Variants in ZKSCAN1 observed in about 807,000 individuals in gnomAD.
ZKSCAN1 encodes the protein zinc finger with KRAB and SCAN domains 1, also known as zinc finger protein with KRAB and SCAN domains 1.
Under a neutral mutation model 51.6 loss-of-function variants are expected in ZKSCAN1, and 14 were observed. The ratio of observed to expected loss-of-function variants is 0.27; its 90% CI spans 0.18 to 0.42. ZKSCAN1 has a LOEUF of 0.42. Among genes scored for constraint, ZKSCAN1 ranks in the 10% least tolerant of loss-of-function variants. The pLI is 1.00. For missense variants in ZKSCAN1, 531 were observed against 710.0 expected, an observed-to-expected ratio of 0.75 and a Z score of 2.86; for synonymous variants, 263 against 261.5, an observed-to-expected ratio of 1.01 and a Z score of -0.06.
intron 1 of ZKSCAN1, among the ~76,000 whole-genome samples, chr7:100,016,138 C>CT (rs949085180): frequency 2.6e-5 from 4 of 152,268 alleles, no homozygotes; most frequent in African/African-American, 9.6e-5. Context: ...TCTTTTTCCC[C>CT]CCCCGGTTCC....
rs149163835 is a variant in ZKSCAN1, at chr7:100,024,187, G to A, written c.460G>A (p.Ala154Thr). 46 of 1,613,910 alleles carry A rather than the reference G, an allele frequency of 2.9e-5. No homozygotes were observed. Among genetic ancestry groups the A allele is most frequent in the African/African-American group, 5.3e-5 (4 of 74,890 alleles). ...PGQVHGPEMLARGMVPLDPVQ... is the reference protein window; with the variant it reads ...PGQVHGPEMLTRGMVPLDPVQ... ...TCAAGTTCATGGACCTGAGATGCTC[G>A]CAAGGGGGATGGTGCCTCTGGATCC... is the stretch of plus-strand genomic sequence containing the variant. The change falls in exon 3 of 6, where the codon GCA becomes ACA. Residue 154 changes from alanine (A) to threonine (T), a missense_variant. Physicochemically the swap from Ala to Thr is moderately conservative, Grantham distance 58. This residue lies in a region of ZKSCAN1 where 403 missense variants were observed against 490.5 expected (regional missense o/e 0.82). Coordinates refer to ENST00000324306, the MANE Select transcript of ZKSCAN1 (RefSeq NM_003439.4).
rs1190642048 is a variant in ZKSCAN1 at position 100,035,201 on chromosome 7, A to T, written c.*1004A>T. 6.6e-6 allele frequency: 1 copy of T among 152,310 alleles called. No homozygotes were observed. The highest frequency in any genetic ancestry group is 1.5e-5 in the Non-Finnish European group (1 of 68,040). The allele number at this position is 152,310 out of a possible 1,614,324, so 9.4% of individuals were successfully genotyped here. A position where few individuals can be genotyped will look rare whatever the true frequency, so the allele number is the denominator to read the frequency against. ...AAAGCCTGTGAATCGTGAGTCCCTGAAATATGGTAGCCTGGCCCAGCTTCT... is the reference window on the plus strand; with the variant it reads ...AAAGCCTGTGAATCGTGAGTCCCTGTAATATGGTAGCCTGGCCCAGCTTCT... On this transcript the variant is annotated 3_prime_UTR_variant, in exon 6 of 6. Coordinates refer to ENST00000324306, the MANE Select transcript of ZKSCAN1 (RefSeq NM_003439.4).
chr7:100,033,440 G>A lies in ZKSCAN1; in HGVS notation c.935G>A (p.Gly312Glu), dbSNP rs369213809. The A allele has an allele frequency of 1.9e-6, 3 of 1,614,030 alleles. No individual in the cohort carries two copies. Among genetic ancestry groups the A allele is most frequent in the African/African-American group, 1.3e-5 (1 of 74,982 alleles). Residue 312 changes from glycine to glutamate, a missense_variant, in exon 6 of 6, where the codon GGA becomes GAA. This residue lies in a region of ZKSCAN1 where 403 missense variants were observed against 490.5 expected (regional missense o/e 0.82). Coordinates refer to ENST00000324306, the MANE Select transcript of ZKSCAN1 (RefSeq NM_003439.4). The surrounding 1 kb of genome is among the most constrained non-coding windows in gnomAD (Gnocchi z 4.1). ...GEKRDQEGKTGERQQKNPEEK... is the reference protein window; with the variant it reads ...GEKRDQEGKTEERQQKNPEEK... ...AAACGTGACCAGGAGGGCAAAACAG[G>A]AGAAAGACAGCAGAAAAACCCTGAG...
chr7:100,038,001 G>A lies in ZKSCAN1; in HGVS notation c.*3804G>A. Reference sequence around the variant, plus strand: ...TGCCACTGGCACTCCAGCCTTGAGTGACAGAGCGAGGCTCTGTATCAAAAA... The same window carrying A: ...TGCCACTGGCACTCCAGCCTTGAGTAACAGAGCGAGGCTCTGTATCAAAAA... On this transcript the variant is annotated 3_prime_UTR_variant, in exon 6 of 6. Transcript: ENST00000324306. 5.1e-6 allele frequency: 5 copies of A among 982,114 alleles called. No homozygotes were observed. The highest frequency in any genetic ancestry group is 6.0e-6 in the Non-Finnish European group (5 of 827,088). 60.8% of individuals were successfully genotyped at this position (982,114 alleles called of 1,614,324 possible).
chr7:100,039,715 T>G lies in ZKSCAN1; in HGVS notation c.*5518T>G. ...ACAGAACTGAAATACACTTAAACAG[T>G]GACAGCAGTACTTCCCAGGGTGGGG... On this transcript the variant is annotated 3_prime_UTR_variant, in exon 6 of 6. Transcript: ENST00000324306. 1 of 985,430 alleles carries G rather than the reference T, an allele frequency of 1.0e-6. No homozygotes were observed. Among genetic ancestry groups the G allele is most frequent in the Non-Finnish European group, 1.2e-6 (1 of 829,946 alleles). 61.0% of individuals were successfully genotyped at this position (985,430 alleles called of 1,614,324 possible). A position where few individuals can be genotyped will look rare whatever the true frequency, so the allele number is the denominator to read the frequency against.
intron 5 of ZKSCAN1, among the ~76,000 whole-genome samples, chr7:100,030,580 A>G (rs1482153283): frequency 1.3e-5 from 2 of 152,052 alleles, no homozygotes; most frequent in Admixed American, 1.3e-4. Flanking sequence ...TGGGTTTTTT[A>G]TTGCTAAGTA....
chr7:100,017,158 T>C lies in ZKSCAN1; in HGVS notation c.-89+1432T>C, dbSNP rs545197295. Among the ~76,000 whole-genome samples, 14 of 152,190 alleles carry C rather than the reference T, an allele frequency of 9.2e-5. 1 individual carries two copies. The South Asian group carries it at 2.5e-3, about 27-fold the overall frequency. On this transcript the variant is annotated intron_variant, in intron 1 of 5. Transcript: ENST00000324306. The stretch of plus-strand genomic sequence containing the variant: ...GCTGTCTTTTAAGGTAGCTTTTTCA[T>C]ATTAAAACATTTGATTGCTCTTTAA...
rs1791251542 is a variant in ZKSCAN1 at position 100,034,270 on chromosome 7, G to A, written c.*73G>A. On this transcript the variant is annotated 3_prime_UTR_variant, in exon 6 of 6. Transcript: ENST00000324306. ...ATTTCAGAGATGTGTGCTCCTGGAGGGAAAAAGAAATACAGCCTCAACAGA... is the reference window on the plus strand; with the variant it reads ...ATTTCAGAGATGTGTGCTCCTGGAGAGAAAAAGAAATACAGCCTCAACAGA... 14 of 1,494,068 alleles carry A rather than the reference G, an allele frequency of 9.4e-6. No homozygotes were observed. Among genetic ancestry groups the A allele is most frequent in the Non-Finnish European group, 1.1e-5 (13 of 1,131,186 alleles). 92.6% of individuals were successfully genotyped at this position (1,494,068 alleles called of 1,614,324 possible).
chr7:100,034,517 C>A lies in ZKSCAN1; in HGVS notation c.*320C>A. ...TACCTTTAAGGCACTCTTGGACTCT[C>A]GGCAACCACAACATAATAGTTGAAA... On this transcript the variant is annotated 3_prime_UTR_variant, in exon 6 of 6. Coordinates refer to ENST00000324306, the MANE Select transcript of ZKSCAN1 (RefSeq NM_003439.4). The A allele has an allele frequency of 1.9e-6, 2 of 1,052,160 alleles. No individual in the cohort carries two copies. Among genetic ancestry groups the A allele is most frequent in the Non-Finnish European group, 1.1e-6 (1 of 872,604 alleles). 65.2% of individuals were successfully genotyped at this position (1,052,160 alleles called of 1,614,324 possible).
downstream of ZKSCAN1, among the ~76,000 whole-genome samples, chr7:100,042,760 G>GTGTGTGTC (rs987128687): frequency 3.4e-5 from 5 of 146,506 alleles, no homozygotes; most frequent in Non-Finnish European, 7.5e-5. Context: ...GTGTGTGTGT[G>GTGTGTGTC]TATACGAATA....
intron 1 of ZKSCAN1, among the ~76,000 whole-genome samples, chr7:100,023,014 A>ATT (rs534107464): frequency 6.8e-6 from 1 of 146,376 alleles, no homozygotes; most frequent in African/African-American, 2.5e-5. Context: ...ATTTGTCAGG[A>ATT]TTTTTTTTTT....
chr7:100,021,682 T>A (rs1490047432), intron 1 of ZKSCAN1, among the ~76,000 whole-genome samples: 1 of 151,996 alleles, frequency 6.6e-6, no homozygotes, highest in Non-Finnish European at 1.5e-5. Flanking sequence ...TTTCTTCTTG[T>A]TCACATCTGT....
chr7:100,040,829 C>T lies in ZKSCAN1; in HGVS notation c.*6632C>T. 1 of 985,374 alleles carries T rather than the reference C, an allele frequency of 1.0e-6. No homozygotes were observed. The highest frequency in any genetic ancestry group is 1.2e-6 in the Non-Finnish European group (1 of 829,926). The allele number at this position is 985,374 out of a possible 1,614,324, so 61.0% of individuals were successfully genotyped here. A position where few individuals can be genotyped will look rare whatever the true frequency, so the allele number is the denominator to read the frequency against. On this transcript the variant is annotated 3_prime_UTR_variant, in exon 6 of 6. Coordinates refer to ENST00000324306, the MANE Select transcript of ZKSCAN1 (RefSeq NM_003439.4). ...TGCTTTTTAAAGCTTTTAGCCTGCC[C>T]TAGCAAGGACAAAGCATGTTAGATT...
At chr7:100,017,935 G>A (rs2115805806) in intron 1 of ZKSCAN1, among the ~76,000 whole-genome samples, 1 of 152,332 alleles carries the variant, frequency 6.6e-6, no homozygotes, top group South Asian at 2.1e-4. Context: ...GGAATGTACA[G>A]TTACATCTTT....
In ZKSCAN1 at chr7:100,034,140, T is replaced by G. The variant is rs1263245222; in HGVS notation, c.1635T>G (p.Ser545=). The G allele has an allele frequency of 6.3e-7, 1 of 1,581,346 alleles. No individual in the cohort carries two copies. The highest frequency in any genetic ancestry group is 1.2e-5 in the South Asian group (1 of 86,728). The part of the protein sequence containing the change: ...HHRIHARERA[S]EYSPASLDAF... ...GAATCCATGCCAGAGAGAGAGCCTC[T>G]GAGTACAGCCCAGCCTCCCTTGATG... The change falls in exon 6 of 6, where the codon TCT becomes TCG. Residue 545 remains serine, a synonymous_variant. Transcript: ENST00000324306.
At chr7:100,044,431 G>T (rs1217589567), downstream of ZKSCAN1, among the ~76,000 whole-genome samples, 1 of 152,056 alleles carries the variant, frequency 6.6e-6, no homozygotes, top group Non-Finnish European at 1.5e-5. Flanking sequence ...ACTTTGGGAG[G>T]CTGAGGCAGG....
rs1290762965 is a variant in ZKSCAN1, at chr7:100,040,495, G to C, written c.*6298G>C. On this transcript the variant is annotated 3_prime_UTR_variant, in exon 6 of 6. Coordinates refer to ENST00000324306, the MANE Select transcript of ZKSCAN1 (RefSeq NM_003439.4). ...TATTTTAAGATAGAGTGAGATCTGT[G>C]AGTGATTGAAAGGTGATATTTAAAA... 4.1e-6 allele frequency: 4 copies of C among 985,342 alleles called. No individual in the cohort carries two copies. Among genetic ancestry groups the C allele is most frequent in the Non-Finnish European group, 4.8e-6 (4 of 829,950 alleles). The allele number at this position is 985,342 out of a possible 1,614,324, so 61.0% of individuals were successfully genotyped here.
intron 5 of ZKSCAN1, 133 bp downstream of exon 5, chr7:100,030,508 A>G (rs986959808): frequency 4.4e-6 from 5 of 1,135,908 alleles, no homozygotes; most frequent in Middle Eastern, 2.2e-4. Flanking sequence ...GACCAGATGG[A>G]AAGTGAGAAT....
downstream of ZKSCAN1, among the ~76,000 whole-genome samples, chr7:100,042,007 A>G (rs1366877308): frequency 2.0e-5 from 3 of 152,146 alleles, no homozygotes; most frequent in African/African-American, 7.2e-5. Flanking sequence ...AATTACTGAT[A>G]ACAACAGACT....
Sources: gnomAD v4.1 joint callset for allele counts (sites outside exome capture counted in the v4.1 genomes callset) on GRCh38, gnomAD v4.1.1 for gene constraint, gnomAD v4.1.1 regional missense constraint, Gnocchi (gnomAD v3.1) non-coding constraint, MANE v1.5 for transcripts, NCBI Gene and HGNC (gene_info 2026-07-23, HGNC 2026-07-21) for gene names.